CDC42BPA: variants seen among roughly 807,000 people sequenced by gnomAD.
CDC42BPA encodes the protein CDC42 binding protein kinase alpha, also known as serine/threonine-protein kinase MRCK alpha.
A neutral mutation model predicts 223.5 loss-of-function variants in CDC42BPA; 80 were observed. That is an observed-to-expected ratio of 0.36 (90% CI 0.30 to 0.43). The LOEUF (loss-of-function observed/expected upper bound fraction) is 0.43. CDC42BPA is among the 20% of genes least tolerant of loss of function. CDC42BPA has a pLI of 1.00. For synonymous variants in CDC42BPA, 694 were observed against 718.6 expected (o/e 0.97, Z 0.55); for missense variants, 1,743 against 2,099.9 (o/e 0.83, Z 3.32).
intron 4 of CDC42BPA, among the ~76,000 whole-genome samples, chr1:227,198,783 C>CT (rs1671217235): frequency 1.4e-5 from 2 of 147,744 alleles, no homozygotes; most frequent in Non-Finnish European, 3.0e-5. Flanking sequence ...GAGACCGAGT[C>CT]TTGCTCTGTC....
chr1:227,253,240 A>AAGAGAGAGAGAG (rs1277432674), intron 2 of CDC42BPA, among the ~76,000 whole-genome samples: 1 of 143,080 alleles, frequency 7.0e-6, no homozygotes, highest in East Asian at 2.0e-4. Flanking sequence ...GAGAGAGAGA[A>AAGAGAGAGAGAG]AGAGAGCGAG....
At chr1:227,253,509 T>C (rs917690568) in intron 2 of CDC42BPA, among the ~76,000 whole-genome samples, 13 of 109,508 alleles carry the variant, frequency 1.2e-4, no homozygotes, top group Non-Finnish European at 1.2e-4. Context: ...AGCAGGAGAA[T>C]CACTTGAATC....
At position 227,036,979 on chromosome 1, in the gene CDC42BPA, C is replaced by T. The variant is rs191022049; in HGVS notation, c.3200-1372G>A. On this transcript the variant is annotated intron_variant, in intron 24 of 36. Coordinates refer to ENST00000366766, the MANE Select transcript of CDC42BPA (RefSeq NM_001394014.1). Reference sequence around the variant, plus strand: ...CTTCATAAAGTAGGCTTCAAAGGGTCTGAAGAAAAGATAGGCACAATTTCA... The same window carrying T: ...CTTCATAAAGTAGGCTTCAAAGGGTTTGAAGAAAAGATAGGCACAATTTCA... Among the ~76,000 whole-genome samples the T allele has an allele frequency of 5.6e-4, 85 of 152,180 alleles. 1 individual carries two copies. In the East Asian group the frequency reaches 0.016, roughly 28 times the overall value.
At chr1:227,248,552 A>G (rs1300755341) in intron 2 of CDC42BPA, among the ~76,000 whole-genome samples, 3 of 152,234 alleles carry the variant, frequency 2.0e-5, no homozygotes, top group Non-Finnish European at 1.5e-5. Flanking sequence ...GATTTAAATC[A>G]GCCAAAGAAG....
intron 5 of CDC42BPA, among the ~76,000 whole-genome samples, chr1:227,168,353 T>C (rs371888992): frequency 3.3e-5 from 5 of 152,188 alleles, no homozygotes; most frequent in African/African-American, 1.2e-4. Flanking sequence ...TGAGAATTCA[T>C]CTCTTAATGG....
At chr1:227,253,607 A>AATAAATACATACATAC (rs368046447) in intron 2 of CDC42BPA, among the ~76,000 whole-genome samples, 48 of 116,544 alleles carry the variant, frequency 4.1e-4, no homozygotes, top group South Asian at 7.0e-4. Context: ...AAAATAAATA[A>AATAAATACATACATAC]ATACATACAT....
At chr1:227,086,881 C>G (rs929738849) in intron 16 of CDC42BPA, among the ~76,000 whole-genome samples, 1 of 151,874 alleles carries the variant, frequency 6.6e-6, no homozygotes, top group Non-Finnish European at 1.5e-5. Context: ...CCATATTTCC[C>G]AGATTGGTTT....
chr1:227,135,419 G>A (rs1454856827), intron 10 of CDC42BPA, among the ~76,000 whole-genome samples: 2 of 152,116 alleles, frequency 1.3e-5, no homozygotes, highest in Admixed American at 6.5e-5. Context: ...ACCAAATTTG[G>A]AAATGGTATA....
At chr1:227,004,935 G>A (rs1427904854) in intron 35 of CDC42BPA, 59 bp downstream of exon 35, 2 of 1,101,144 alleles carry the variant, frequency 1.8e-6, no homozygotes, top group Middle Eastern at 2.0e-4. Flanking sequence ...GGGACAGGAG[G>A]GGAGGGAGCT....
In CDC42BPA at chr1:227,155,532, A is replaced by AG. The variant is rs148123370; in HGVS notation, c.693+5010dup. ...AGTCCTAGGATAGTACCTATGCAGTAGGTCTCTAGAACGAACAGTCCAGAT... is the reference window on the plus strand; with the variant it reads ...AGTCCTAGGATAGTACCTATGCAGTAGGGTCTCTAGAACGAACAGTCCAGAT... On this transcript the variant is annotated intron_variant, in intron 6 of 36. Coordinates refer to ENST00000366766, the MANE Select transcript of CDC42BPA (RefSeq NM_001394014.1). Among the ~76,000 whole-genome samples, 998 of 152,310 alleles carry AG rather than the reference A, an allele frequency of 6.6e-3. 26 individuals are homozygous for AG. Among genetic ancestry groups the AG allele is most frequent in the Admixed American group, 0.041 (621 of 15,286 alleles).
At chr1:227,151,439 A>G (rs531501425) in intron 6 of CDC42BPA, among the ~76,000 whole-genome samples, 8 of 152,194 alleles carry the variant, frequency 5.3e-5, no homozygotes, top group African/African-American at 1.9e-4. Flanking sequence ...TGCTCTAAAA[A>G]TGAGTGTACA....
chr1:227,296,709 CAA>C (rs755335862), intron 1 of CDC42BPA, among the ~76,000 whole-genome samples: 15 of 69,800 alleles, frequency 2.1e-4, no homozygotes, highest in Non-Finnish European at 2.1e-4. Context: ...CTCCCCACAT[CAA>C]AAAAAAAAAA....
At chr1:227,127,403 AG>A (rs1656049755) in intron 11 of CDC42BPA, among the ~76,000 whole-genome samples, 1 of 152,252 alleles carries the variant, frequency 6.6e-6, no homozygotes, top group Non-Finnish European at 1.5e-5. Flanking sequence ...ATCTATTTCA[AG>A]GCAGTTTTAA....
At chr1:227,062,966 C>T (rs1159129132) in intron 21 of CDC42BPA, among the ~76,000 whole-genome samples, 2 of 151,966 alleles carry the variant, frequency 1.3e-5, no homozygotes, top group African/African-American at 2.4e-5. Context: ...AAATGTCTCC[C>T]GAAACTATCT....
intron 1 of CDC42BPA, among the ~76,000 whole-genome samples, chr1:227,259,835 TAAAC>T (rs995593105): frequency 3.3e-5 from 5 of 150,764 alleles, no homozygotes; most frequent in African/African-American, 1.0e-4. Context: ...GATATAAAAA[TAAAC>T]AAAACAGAAT....
At chr1:227,226,150 A>G (rs1168268871) in intron 2 of CDC42BPA, among the ~76,000 whole-genome samples, 2 of 152,226 alleles carry the variant, frequency 1.3e-5, no homozygotes, top group East Asian at 1.9e-4. Flanking sequence ...CTGGATGCCC[A>G]TATTTCAATA....
At chr1:227,086,807 A>G (rs1349863132) in intron 16 of CDC42BPA, among the ~76,000 whole-genome samples, 3 of 151,582 alleles carry the variant, frequency 2.0e-5, no homozygotes, top group South Asian at 2.1e-4. Flanking sequence ...AACTGGGACT[A>G]CAGGCATGCA....
At chr1:227,094,994 TGTCTTCAGATGACA>T (rs1683731945) in intron 15 of CDC42BPA, among the ~76,000 whole-genome samples, 1 of 152,222 alleles carries the variant, frequency 6.6e-6, no homozygotes, top group Non-Finnish European at 1.5e-5. Context: ...CTATGGTAGG[TGTCTTCAGATGACA>T]GTCTGCAAAT....
chr1:227,171,454 T>C (rs1174360876), intron 5 of CDC42BPA, among the ~76,000 whole-genome samples: 2 of 152,100 alleles, frequency 1.3e-5, no homozygotes, highest in Non-Finnish European at 2.9e-5. Flanking sequence ...CTACAAAAAC[T>C]ACAAAAATTA....
Sources: allele counts gnomAD v4.1 joint callset (sites outside exome capture counted in the v4.1 genomes callset), GRCh38; gene constraint gnomAD v4.1.1; transcripts MANE v1.5; gene names NCBI Gene and HGNC (gene_info 2026-07-23, HGNC 2026-07-21).